Variants in BICC1 observed in about 807,000 individuals in gnomAD.
BICC1 encodes the protein BicC family RNA binding protein 1, also known as protein bicaudal C homolog 1.
In BICC1, 43 loss-of-function variants were observed where a neutral mutation model predicts 111.0. That is an observed-to-expected ratio of 0.39 (90% confidence interval 0.30 to 0.50). The LOEUF is 0.50. Among genes scored for constraint, BICC1 ranks in the 20% least tolerant of loss-of-function variants. BICC1 has a pLI of 0.88. For synonymous variants in BICC1, 467 were observed against 434.4 expected (o/e 1.07, Z -0.93); for missense variants, 1,091 against 1,203.2 (o/e 0.91, Z 1.38).
chr10:58,631,856 A>T (rs952498999), intron 2 of BICC1, among the ~76,000 whole-genome samples: 17 of 152,168 alleles, frequency 1.1e-4, no homozygotes, highest in African/African-American at 3.9e-4. Context: ...CTTTAAACCC[A>T]AAGTTGTTTG....
At chr10:58,575,746 T>C (rs1421079095) in intron 1 of BICC1, among the ~76,000 whole-genome samples, 1 of 152,014 alleles carries the variant, frequency 6.6e-6, no homozygotes. Flanking sequence ...TAAATGAGAG[T>C]CTTCTGATGG....
chr10:58,705,005 G>A (rs1348963907), intron 3 of BICC1, among the ~76,000 whole-genome samples: 4 of 152,082 alleles, frequency 2.6e-5, no homozygotes, highest in African/African-American at 4.8e-5. Flanking sequence ...ATCCTTTATC[G>A]AGAGCAGCTG....
intron 1 of BICC1, among the ~76,000 whole-genome samples, chr10:58,615,472 T>C (rs2132120019): frequency 6.6e-6 from 1 of 152,308 alleles, no homozygotes; most frequent in South Asian, 2.1e-4. Flanking sequence ...CCACATGAGC[T>C]CGTGCTTTGC....
At position 58,699,481 on chromosome 10, in the gene BICC1, TCTA is replaced by T. The variant is rs1273302532; in HGVS notation, c.238-2589_238-2587del. 9.2e-5 allele frequency among the ~76,000 whole-genome samples: 14 copies of T among 152,354 alleles called. No homozygotes were observed. The East Asian group carries it at 2.5e-3, about 27-fold the overall frequency. On this transcript the variant is annotated intron_variant, in intron 2 of 20. Transcript: ENST00000373886. The stretch of plus-strand genomic sequence containing the variant: ...ACATGCAGGGTTATTTCTGGGCACT[TCTA>T]CTAATGATTTAAGATTTCAGAAAGT...
At chr10:58,549,099 G>A (rs1232382674) in intron 1 of BICC1, among the ~76,000 whole-genome samples, 1 of 151,688 alleles carries the variant, frequency 6.6e-6, no homozygotes, top group Non-Finnish European at 1.5e-5. Context: ...GCCCATCTTG[G>A]CCTCCCAAAG....
intron 1 of BICC1, among the ~76,000 whole-genome samples, chr10:58,592,879 A>T (rs1467846636): frequency 1.2e-5 from 1 of 84,642 alleles, no homozygotes. Context: ...CCGTCTCAAA[A>T]AAAAAAAAAA....
intron 3 of BICC1, among the ~76,000 whole-genome samples, chr10:58,781,100 A>T (rs1842872339): frequency 1.3e-5 from 2 of 152,146 alleles, no homozygotes; most frequent in South Asian, 4.1e-4. Context: ...CTTTCTCTTC[A>T]TTAGGATGAC....
In BICC1 at chr10:58,803,143, G is replaced by A. The variant is rs749725332; in HGVS notation, c.2082G>A (p.Lys694=). ...CCGAAAGCCCTTTGGCTGACAAGAA[G>A]GCTCCAGGGAGTGAGCGCGCTGCAG... ...SATESPLADK[K]APGSERAAER... is the part of the protein sequence containing the mutation. The change falls in exon 15 of 21, where the codon AAG becomes AAA. Residue 694 remains lysine (K), a synonymous_variant. Coordinates refer to ENST00000373886, the MANE Select transcript of BICC1 (RefSeq NM_001080512.3). The A allele has an allele frequency of 2.0e-5, 33 of 1,610,508 alleles. No homozygotes were observed. Among genetic ancestry groups the A allele is most frequent in the Non-Finnish European group, 2.8e-5 (33 of 1,178,334 alleles).
intron 2 of BICC1, among the ~76,000 whole-genome samples, chr10:58,644,139 T>C (rs1838199422): frequency 6.6e-6 from 1 of 152,196 alleles, no homozygotes. Context: ...AATATTATTA[T>C]TGCTAATAAT....
intron 2 of BICC1, among the ~76,000 whole-genome samples, chr10:58,634,566 T>A (rs964878506): frequency 6.6e-6 from 1 of 152,194 alleles, no homozygotes; most frequent in Non-Finnish European, 1.5e-5. Flanking sequence ...TGGGAACTAC[T>A]GATGTGCAGT....
chr10:58,632,867 A>T (rs1222820566), intron 2 of BICC1, among the ~76,000 whole-genome samples: 1 of 151,314 alleles, frequency 6.6e-6, no homozygotes, highest in African/African-American at 2.4e-5. Context: ...AGATGGATAG[A>T]TAGATAGATA....
At chr10:58,635,731 C>T (rs1198746421) in intron 2 of BICC1, among the ~76,000 whole-genome samples, 2 of 152,178 alleles carry the variant, frequency 1.3e-5, no homozygotes, top group Non-Finnish European at 2.9e-5. Context: ...CATTGCCCCT[C>T]AACTCAAGCC....
chr10:58,679,703 T>C (rs993488392), intron 2 of BICC1, among the ~76,000 whole-genome samples: 1 of 152,308 alleles, frequency 6.6e-6, no homozygotes, highest in Middle Eastern at 3.4e-3. Context: ...AGCATCATCC[T>C]GATGCCAAAA....
chr10:58,703,690 A>G (rs1440731244), intron 3 of BICC1, among the ~76,000 whole-genome samples: 1 of 152,230 alleles, frequency 6.6e-6, no homozygotes, highest in African/African-American at 2.4e-5. Context: ...TTCATGGATT[A>G]TCTAGCTGTT....
At chr10:58,802,294 T>G (rs1043651035) in intron 14 of BICC1, among the ~76,000 whole-genome samples, 3 of 152,220 alleles carry the variant, frequency 2.0e-5, no homozygotes, top group Non-Finnish European at 2.9e-5. Flanking sequence ...ATTGTCCCTC[T>G]TTTTGTATTC....
intron 3 of BICC1, among the ~76,000 whole-genome samples, chr10:58,768,302 A>G (rs1842515241): frequency 6.6e-6 from 1 of 152,198 alleles, no homozygotes; most frequent in African/African-American, 2.4e-5. Context: ...GTGGGATGAT[A>G]TACTCAAAGT....
At chr10:58,547,836 G>T (rs1046478686) in intron 1 of BICC1, among the ~76,000 whole-genome samples, 8 of 152,026 alleles carry the variant, frequency 5.3e-5, no homozygotes, top group African/African-American at 1.9e-4. Flanking sequence ...TGTTGTTTTT[G>T]AGTACTTTCT....
chr10:58,641,700 G>A (rs1293346139), intron 2 of BICC1, among the ~76,000 whole-genome samples: 1 of 152,190 alleles, frequency 6.6e-6, no homozygotes, highest in Non-Finnish European at 1.5e-5. Flanking sequence ...TGGAGAATGA[G>A]TTGGCTGTGG....
chr10:58,553,489 A>G (rs1843356551), intron 1 of BICC1, among the ~76,000 whole-genome samples: 1 of 152,126 alleles, frequency 6.6e-6, no homozygotes, highest in Admixed American at 6.6e-5. Flanking sequence ...CAGTCCATCA[A>G]CACCTGGATT....
Sources: allele counts gnomAD v4.1 joint callset (sites outside exome capture counted in the v4.1 genomes callset), GRCh38; gene constraint gnomAD v4.1.1; transcripts MANE v1.5; gene names NCBI Gene and HGNC (gene_info 2026-07-23, HGNC 2026-07-21).